The following BCL3 variants were observed in gnomAD, a reference collection of about 807,000 sequenced individuals.
The protein encoded by BCL3 is B-cell lymphoma 3 protein.
In BCL3, 15 loss-of-function variants were observed where a neutral mutation model predicts 35.7. The ratio of observed to expected loss-of-function variants is 0.42; its 90% CI spans 0.28 to 0.65. The LOEUF is 0.65. Ranked by LOEUF, BCL3 falls within the 30% of genes least tolerant of loss-of-function variation. BCL3 has a pLI of 0.22. For synonymous variants in BCL3, 311 were observed against 284.3 expected (o/e 1.09, Z -0.95); for missense variants, 565 against 641.7 (o/e 0.88, Z 1.29).
At chr19:44,752,146 C>T (rs373738869) in intron 2 of BCL3, among the ~76,000 whole-genome samples, 128 of 151,956 alleles carry the variant, frequency 8.4e-4, no homozygotes, top group African/African-American at 3.0e-3. Flanking sequence ...TGAAACAATA[C>T]TCGCCCTTAC....
rs772518779 is a variant in BCL3, at chr19:44,756,330, A to G, written c.509A>G (p.Asn170Ser). ...QGGRELDIYN[N>S]LRQTPLHLAV... ...GGCCGGGAGCTCGACATCTACAACA[A>G]CCTACGGCAGGTGAGGCTCGGTCTG... The change falls in exon 3 of 9, where the codon AAC becomes AGC. Residue 170 changes from asparagine to serine, a missense_variant. Physicochemically the swap from Asn to Ser is conservative, Grantham distance 46. This residue lies in a region of BCL3 where 267 missense variants were observed against 281.5 expected (regional missense o/e 0.95). Transcript: ENST00000164227. 1.3e-6 allele frequency: 2 copies of G among 1,498,094 alleles called. No individual in the cohort carries two copies. The highest frequency in any genetic ancestry group is 2.6e-5 in the East Asian group (1 of 38,164). 92.8% of individuals were successfully genotyped at this position (1,498,094 alleles called of 1,614,324 possible). A position where few individuals can be genotyped will look rare whatever the true frequency, so the allele number is the denominator to read the frequency against.
In BCL3 at chr19:44,759,707, G is replaced by GCCC. The variant is rs67149311; in HGVS notation, c.*102_*104dup. 8 of 541,160 alleles carry GCCC rather than the reference G, an allele frequency of 1.5e-5. No homozygotes were observed. The highest frequency in any genetic ancestry group is 7.0e-5 in the East Asian group (2 of 28,532). 33.5% of individuals were successfully genotyped at this position (541,160 alleles called of 1,614,324 possible). On this transcript the variant is annotated 3_prime_UTR_variant, in exon 9 of 9. Transcript: ENST00000164227. ...CTGGAAACTGTGAAGATCTCACTCT[G>GCCC]CCCCCCCCCCCCATCTTCGGGACCA...
In BCL3 at chr19:44,757,470, T is replaced by TGG; in HGVS notation, c.813+56_813+57dup. On this transcript the variant is annotated intron_variant, in intron 5 of 8. Coordinates refer to ENST00000164227, the MANE Select transcript of BCL3 (RefSeq NM_005178.5). This position sits in a 1 kb window ranked among gnomAD's most constrained non-coding sequence, Gnocchi z 8.4. ...CGGGGCCTTAGCAGGGGCGGGGTCT[T>TGG]GGCGGGGGCGGGGCCAGTGTGGGGC... 1 of 267,786 alleles carries TGG rather than the reference T, an allele frequency of 3.7e-6. No homozygotes were observed. Among genetic ancestry groups the TGG allele is most frequent in the Non-Finnish European group, 5.9e-6 (1 of 169,228 alleles). The allele number at this position is 267,786 out of a possible 1,614,324, so 16.6% of individuals were successfully genotyped here. A position where few individuals can be genotyped will look rare whatever the true frequency, so the allele number is the denominator to read the frequency against.
chr19:44,753,832 G>A (rs1967228287), intron 2 of BCL3, among the ~76,000 whole-genome samples: 1 of 135,356 alleles, frequency 7.4e-6, no homozygotes, highest in African/African-American at 2.7e-5. Context: ...CGGGGGCGGG[G>A]GGGGGGGGTG....
In BCL3 at chr19:44,759,473, C is replaced by T. The variant is rs780522471; in HGVS notation, c.1223C>T (p.Pro408Leu). 3 of 1,612,280 alleles carry T rather than the reference C, an allele frequency of 1.9e-6. No homozygotes were observed. Among genetic ancestry groups the T allele is most frequent in the Non-Finnish European group, 2.5e-6 (3 of 1,179,080 alleles). Residue 408 changes from proline (P) to leucine (L), a missense_variant, in exon 9 of 9, where the codon CCC (proline) becomes CTC (leucine). Pro to Leu is a moderately conservative substitution (Grantham distance 98, BLOSUM62 -3). Around this residue, in one of 5 missense-constraint regions of BCL3, gnomAD observed 151 missense variants for 138.1 expected, o/e 1.09. Coordinates refer to ENST00000164227, the MANE Select transcript of BCL3 (RefSeq NM_005178.5). ...SPSSSPSQSP[P>L]RDPPGFPMAP... Reference sequence around the variant, plus strand: ...TCCTCCTCACCCTCCCAGTCTCCCCCCAGGGACCCCCCTGGATTCCCCATG... The same window carrying T: ...TCCTCCTCACCCTCCCAGTCTCCCCTCAGGGACCCCCCTGGATTCCCCATG...
intron 1 of BCL3, among the ~76,000 whole-genome samples, chr19:44,750,497 C>T (rs1967157466): frequency 6.6e-6 from 1 of 152,110 alleles, no homozygotes; most frequent in South Asian, 2.1e-4. Flanking sequence ...CAGGGTTTCA[C>T]CATGTTGCCC....
chr19:44,748,842 A>T lies in BCL3; in HGVS notation c.52A>T (p.Thr18Ser). ...GGACGAGGGGCCCGTGGACCTGCGC[A>T]CCCGGCCCAAGGCCGCCGGACTCCC... ...AMDEGPVDLR[T>S]RPKAAGLPGA... is the part of the protein sequence containing the mutation. Residue 18 changes from threonine (T) to serine (S), a missense_variant, in exon 1 of 9, where the codon ACC (threonine) becomes TCC (serine). By Grantham distance (58) the Thr-to-Ser change is moderately conservative. This residue lies in a region of BCL3 where 267 missense variants were observed against 281.5 expected (regional missense o/e 0.95). Coordinates refer to ENST00000164227, the MANE Select transcript of BCL3 (RefSeq NM_005178.5). 1 of 1,105,092 alleles carries T rather than the reference A, an allele frequency of 9.0e-7. No homozygotes were observed. The highest frequency in any genetic ancestry group is 1.1e-6 in the Non-Finnish European group (1 of 908,426). 68.5% of individuals were successfully genotyped at this position (1,105,092 alleles called of 1,614,324 possible). A position where few individuals can be genotyped will look rare whatever the true frequency, so the allele number is the denominator to read the frequency against.
At chr19:44,756,740 G>C (rs911728864) in intron 3 of BCL3, among the ~76,000 whole-genome samples, 3 of 151,174 alleles carry the variant, frequency 2.0e-5, no homozygotes, top group African/African-American at 7.3e-5. Flanking sequence ...GGTTGTTCCT[G>C]AGAGGGAGGG....
chr19:44,752,332 C>G, intron 2 of BCL3, among the ~76,000 whole-genome samples: 1 of 151,658 alleles, frequency 6.6e-6, no homozygotes, highest in East Asian at 1.9e-4. Flanking sequence ...TCCTGAGTAG[C>G]TGGGACCACA....
At chr19:44,749,566 A>G (rs1967138225) in intron 1 of BCL3, among the ~76,000 whole-genome samples, 1 of 152,092 alleles carries the variant, frequency 6.6e-6, no homozygotes, top group South Asian at 2.1e-4. Context: ...ATCTGGAGAC[A>G]TGGGCATTAT....
Position 44,759,707 on chromosome 19 carries a change from G to C in BCL3, c.*92G>C, listed in dbSNP as rs1459501488. The C allele has an allele frequency of 3.3e-5, 18 of 541,256 alleles. No individual in the cohort carries two copies. The highest frequency in any genetic ancestry group is 6.9e-5 in the African/African-American group (3 of 43,686). The allele number at this position is 541,256 out of a possible 1,614,324, so 33.5% of individuals were successfully genotyped here. On this transcript the variant is annotated 3_prime_UTR_variant, in exon 9 of 9. Transcript: ENST00000164227. ...CTGGAAACTGTGAAGATCTCACTCT[G>C]CCCCCCCCCCCCATCTTCGGGACCA...
chr19:44,748,222 G>A (rs1436665848), upstream of BCL3: 4 of 509,112 alleles, frequency 7.9e-6, no homozygotes, highest in Non-Finnish European at 9.7e-6. Flanking sequence ...GCAGAGAGAT[G>A]GTGACAGACA....
At chr19:44,750,188 C>G (rs988819435) in intron 1 of BCL3, among the ~76,000 whole-genome samples, 1 of 152,200 alleles carries the variant, frequency 6.6e-6, no homozygotes, top group Non-Finnish European at 1.5e-5. Flanking sequence ...CCACGGCCTC[C>G]CAGCTTTCCT....
chr19:44,759,651 G>A lies in BCL3; in HGVS notation c.*36G>A, dbSNP rs569645571. Reference sequence around the variant, plus strand: ...GGGGCAGATCTTGGACTCATGAGGAGGGGCCCCCCTGCCCTGTGGGGTCAA... The same window carrying A: ...GGGGCAGATCTTGGACTCATGAGGAAGGGCCCCCCTGCCCTGTGGGGTCAA... On this transcript the variant is annotated 3_prime_UTR_variant, in exon 9 of 9. Coordinates refer to ENST00000164227, the MANE Select transcript of BCL3 (RefSeq NM_005178.5). The A allele has an allele frequency of 1.5e-4, 224 of 1,536,014 alleles. No individual in the cohort carries two copies. The highest frequency in any genetic ancestry group is 1.8e-4 in the Non-Finnish European group (210 of 1,142,488).
At chr19:44,749,404 G>A (rs1254622570) in intron 1 of BCL3, among the ~76,000 whole-genome samples, 2 of 151,996 alleles carry the variant, frequency 1.3e-5, no homozygotes, top group Non-Finnish European at 2.9e-5. Flanking sequence ...CAGATGTGTA[G>A]CGTTATGAGG....
chr19:44,747,940 C>T (rs1967096253), upstream of BCL3: 1 of 1,220,912 alleles, frequency 8.2e-7, no homozygotes, highest in African/African-American at 1.6e-5. Context: ...CACCCTCACC[C>T]CACCCCCAGC....
chr19:44,758,144 G>C (rs1967335153), intron 6 of BCL3, 102 bp from the exon 7 acceptor site: 9 of 1,235,714 alleles, frequency 7.3e-6, no homozygotes, highest in Non-Finnish European at 9.6e-6. Flanking sequence ...ACCCCGATCC[G>C]GTGCCGCCCC....
Position 44,759,425 on chromosome 19 carries a change from C to T in BCL3, c.1178-3C>T, listed in dbSNP as rs1339823285. ...CACCCCTCTGTCTCTCTTCCTTCCT[C>T]AGGTCTTCTCTCCGCATCACCATCC... is the stretch of plus-strand genomic sequence containing the variant. On this transcript the variant is annotated splice_polypyrimidine_tract_variant and splice_region_variant and intron_variant, in intron 8 of 8. Coordinates refer to ENST00000164227, the MANE Select transcript of BCL3 (RefSeq NM_005178.5). 6.2e-7 allele frequency: 1 copy of T among 1,607,338 alleles called. No homozygotes were observed. The highest frequency in any genetic ancestry group is 1.1e-5 in the South Asian group (1 of 90,600).
intron 2 of BCL3, among the ~76,000 whole-genome samples, chr19:44,751,674 T>C (rs906196374): frequency 6.6e-6 from 1 of 152,192 alleles, no homozygotes; most frequent in Non-Finnish European, 1.5e-5. Context: ...CGATCTCAGC[T>C]CACTGCAACC....
Sources: allele counts gnomAD v4.1 joint callset (sites outside exome capture counted in the v4.1 genomes callset), GRCh38; gene constraint gnomAD v4.1.1; regional missense constraint gnomAD v4.1.1; non-coding constraint Gnocchi (gnomAD v3.1); transcripts MANE v1.5; gene names NCBI Gene and HGNC (gene_info 2026-07-23, HGNC 2026-07-21).